The following FAM221B variants were observed in gnomAD, a reference collection of about 807,000 sequenced individuals.
FAM221B encodes the protein protein FAM221B.
In FAM221B, 35 loss-of-function variants were observed where a neutral mutation model predicts 39.8. The observed-to-expected ratio is 0.88, with a 90% confidence interval of 0.67 to 1.17. FAM221B has a LOEUF of 1.17. FAM221B is among the 50% of genes most tolerant of loss of function. FAM221B has a pLI of 0.00. For synonymous variants in FAM221B, 158 were observed against 178.1 expected, an observed-to-expected ratio of 0.89 and a Z score of 0.90; for missense variants, 479 against 503.1, an observed-to-expected ratio of 0.95 and a Z score of 0.46.
Position 35,820,422 on chromosome 9 carries a change from G to T in FAM221B, c.743-422C>A, listed in dbSNP as rs148362403. Among the ~76,000 whole-genome samples the T allele has an allele frequency of 6.6e-5, 10 of 152,340 alleles. No individual in the cohort carries two copies. In the East Asian group the frequency reaches 1.9e-3, roughly 29 times the overall value. On this transcript the variant is annotated intron_variant, in intron 3 of 6. Coordinates refer to ENST00000423537, the MANE Select transcript of FAM221B (RefSeq NM_001012446.4). ...TGTTTTCTTGAAGTGTCTAAGGTGA[G>T]GGAAAGGGAAGATGATTGGCCAGAT...
chr9:35,819,937 G>A lies in FAM221B; in HGVS notation c.806C>T (p.Ser269Phe), dbSNP rs746906560. ...CAACAAGTGTCCACAAAAGCATCTGGACTCATCCCCAATCCGGAAACAGTC... is the reference window on the plus strand; with the variant it reads ...CAACAAGTGTCCACAAAAGCATCTGAACTCATCCCCAATCCGGAAACAGTC... ...LWDCFRIGDESRCFCGHLLRE... is the reference protein window; with the variant it reads ...LWDCFRIGDEFRCFCGHLLRE... Residue 269 changes from serine (S) to phenylalanine (F), a missense_variant, in exon 4 of 7, where the codon TCC (serine) becomes TTC (phenylalanine). By Grantham distance (155) the Ser-to-Phe change is radical. Coordinates refer to ENST00000423537, the MANE Select transcript of FAM221B (RefSeq NM_001012446.4). 1.1e-5 allele frequency: 17 copies of A among 1,609,278 alleles called. 1 individual carries two copies. In the South Asian group the frequency reaches 1.5e-4, roughly 15 times the overall value.
chr9:35,821,579 A>G (rs1161660137), intron 3 of FAM221B: 16 of 1,367,896 alleles, frequency 1.2e-5, no homozygotes, highest in Non-Finnish European at 1.6e-5. Context: ...GGCAGTCACA[A>G]TGCAGGTGGG....
At chr9:35,823,638 A>T (rs1276933083) in intron 3 of FAM221B, among the ~76,000 whole-genome samples, 1 of 152,098 alleles carries the variant, frequency 6.6e-6, no homozygotes, top group Non-Finnish European at 1.5e-5. Context: ...AGTAGACAGG[A>T]GGTTCTGAGT....
chr9:35,818,230 A>G lies in FAM221B; in HGVS notation c.*239T>C, dbSNP rs1000934989. ...CCAACTGCATCTAACATCACTTCCC[A>G]CTCTATCCTTCTTGAAACTTCCTCC... is the stretch of plus-strand genomic sequence containing the variant. On this transcript the variant is annotated 3_prime_UTR_variant, in exon 7 of 7. Transcript: ENST00000423537. The G allele has an allele frequency of 2.1e-5, 12 of 558,840 alleles. No individual in the cohort carries two copies. Among genetic ancestry groups the G allele is most frequent in the Non-Finnish European group, 3.5e-5 (11 of 310,546 alleles). The allele number at this position is 558,840 out of a possible 1,614,324, so 34.6% of individuals were successfully genotyped here.
rs1829324103 is a variant in FAM221B at position 35,825,604 on chromosome 9, A to G, written c.558T>C (p.Ser186=). 6.2e-7 allele frequency: 1 copy of G among 1,613,884 alleles called. No homozygotes were observed. Among genetic ancestry groups the G allele is most frequent in the Non-Finnish European group, 8.5e-7 (1 of 1,179,870 alleles). ...GTTGGGCTGTGTGAGCAGTGCTGTCACTGGCATCTACTCCCTTTTCAACCT... is the reference window on the plus strand; with the variant it reads ...GTTGGGCTGTGTGAGCAGTGCTGTCGCTGGCATCTACTCCCTTTTCAACCT... ...AGEVEKGVDA[S]DSTAHTAQPG... The change falls in exon 2 of 7, where the codon AGT becomes AGC. Residue 186 remains serine, a synonymous_variant. Coordinates refer to ENST00000423537, the MANE Select transcript of FAM221B (RefSeq NM_001012446.4). The surrounding 1 kb of genome is among the most constrained non-coding windows in gnomAD (Gnocchi z 4.2).
rs201802596 is a variant in FAM221B at position 35,825,544 on chromosome 9, T to TTTC, written c.598+17_598+19dup. The TTTC allele has an allele frequency of 4.4e-6, 7 of 1,592,766 alleles. No individual in the cohort carries two copies. The highest frequency in any genetic ancestry group is 1.7e-5 in the Admixed American group (1 of 59,002). On this transcript the variant is annotated intron_variant, in intron 2 of 6. Coordinates refer to ENST00000423537, the MANE Select transcript of FAM221B (RefSeq NM_001012446.4). The surrounding 1 kb of genome is among the most constrained non-coding windows in gnomAD (Gnocchi z 4.2). ...GACAGGTACAATTACAGCTAACTCC[T>TTTC]TTCTTCTTCTTCTTCTTGCCTAGTT... is the stretch of plus-strand genomic sequence containing the variant.
chr9:35,820,194 C>T (rs1829120929), intron 3 of FAM221B, among the ~76,000 whole-genome samples, 194 bp from the exon 4 acceptor site: 1 of 152,130 alleles, frequency 6.6e-6, no homozygotes, highest in South Asian at 2.1e-4. Context: ...TCTCATTACC[C>T]CAGAAGTGTC....
At chr9:35,827,780 G>A (rs1214514825) in intron 1 of FAM221B, among the ~76,000 whole-genome samples, 1 of 152,182 alleles carries the variant, frequency 6.6e-6, no homozygotes, top group African/African-American at 2.4e-5. Flanking sequence ...ATGTTCCAGA[G>A]ACGCTAGATA....
In FAM221B at chr9:35,816,916, C is replaced by G. The variant is rs1246987566; in HGVS notation, c.*1553G>C. Reference sequence around the variant, plus strand: ...CCAGAGGCTGCAGTTCTCTGTGGTGCCTCTGGGACACTGGGAGACCCTAGA... The same window carrying G: ...CCAGAGGCTGCAGTTCTCTGTGGTGGCTCTGGGACACTGGGAGACCCTAGA... On this transcript the variant is annotated 3_prime_UTR_variant, in exon 7 of 7. Transcript: ENST00000423537. 1 of 152,098 alleles carries G rather than the reference C, an allele frequency of 6.6e-6. No homozygotes were observed. Among genetic ancestry groups the G allele is most frequent in the Non-Finnish European group, 1.5e-5 (1 of 68,010 alleles). The allele number at this position is 152,098 out of a possible 1,614,324, so 9.4% of individuals were successfully genotyped here. A position where few individuals can be genotyped will look rare whatever the true frequency, so the allele number is the denominator to read the frequency against.
At position 35,818,178 on chromosome 9, in the gene FAM221B, C is replaced by T. The variant is rs1173040057; in HGVS notation, c.*291G>A. On this transcript the variant is annotated 3_prime_UTR_variant, in exon 7 of 7. Coordinates refer to ENST00000423537, the MANE Select transcript of FAM221B (RefSeq NM_001012446.4). ...TTCTAATTGCAAAACCCAATGGACA[C>T]TTTTCAGTCTTTATCTTATTGGTGC... 1 of 443,738 alleles carries T rather than the reference C, an allele frequency of 2.3e-6. No homozygotes were observed. Among genetic ancestry groups the T allele is most frequent in the Non-Finnish European group, 4.1e-6 (1 of 242,318 alleles). 27.5% of individuals were successfully genotyped at this position (443,738 alleles called of 1,614,324 possible).
Position 35,828,464 on chromosome 9 carries a change from C to G in FAM221B, c.-2G>C. The G allele has an allele frequency of 1.0e-6, 1 of 985,396 alleles. No individual in the cohort carries two copies. The highest frequency in any genetic ancestry group is 1.2e-6 in the Non-Finnish European group (1 of 829,928). 61.0% of individuals were successfully genotyped at this position (985,396 alleles called of 1,614,324 possible). On this transcript the variant is annotated splice_region_variant and 5_prime_UTR_variant, in exon 1 of 7. Transcript: ENST00000423537. This position sits in a 1 kb window ranked among gnomAD's most constrained non-coding sequence, Gnocchi z 4.5. ...AGGGCCGTTGGAGAAACCACCTACC[C>G]TCTGGGCTTTGGCTTGGTTGTTACA... is the stretch of plus-strand genomic sequence containing the variant.
Position 35,828,575 on chromosome 9 carries a change from T to A in FAM221B, c.-113A>T. 2 of 985,476 alleles carry A rather than the reference T, an allele frequency of 2.0e-6. No individual in the cohort carries two copies. The highest frequency in any genetic ancestry group is 2.4e-6 in the Non-Finnish European group (2 of 829,986). The allele number at this position is 985,476 out of a possible 1,614,324, so 61.0% of individuals were successfully genotyped here. On this transcript the variant is annotated 5_prime_UTR_variant, in exon 1 of 7. Transcript: ENST00000423537. This position sits in a 1 kb window ranked among gnomAD's most constrained non-coding sequence, Gnocchi z 4.5. ...AAAGGCTCTTGGTTGTGGATGTGCC[T>A]CAGCTGCAGGTGCTGAGTGTTGAAA...
chr9:35,820,567 G>A (rs948061080), intron 3 of FAM221B, among the ~76,000 whole-genome samples: 1 of 152,266 alleles, frequency 6.6e-6, no homozygotes. Context: ...ACGTCTCCAC[G>A]TTGGTACCTT....
rs529037643 is a variant in FAM221B, at chr9:35,820,131, C to G, written c.743-131G>C. 1.8e-5 allele frequency: 11 copies of G among 615,470 alleles called. No individual in the cohort carries two copies. In the Middle Eastern group the frequency reaches 1.2e-3, roughly 67 times the overall value. The allele number at this position is 615,470 out of a possible 1,614,324, so 38.1% of individuals were successfully genotyped here. On this transcript the variant is annotated intron_variant, in intron 3 of 6. Transcript: ENST00000423537. ...TCCCCACCCCCAGGTATCTTTATCT[C>G]CACCTGGAAGTCCTCACCTCTACCC...
At chr9:35,819,733 C>A (rs1829103031) in intron 4 of FAM221B, among the ~76,000 whole-genome samples, 157 bp downstream of exon 4, 1 of 148,542 alleles carries the variant, frequency 6.7e-6, no homozygotes, top group South Asian at 2.1e-4. Context: ...GTCTCGATCT[C>A]CTGACCTTTG....
chr9:35,820,318 A>C (rs994937613), intron 3 of FAM221B, among the ~76,000 whole-genome samples: 2 of 152,218 alleles, frequency 1.3e-5, no homozygotes, highest in Non-Finnish European at 2.9e-5. Flanking sequence ...TTGAGGATGA[A>C]CATGAATCTC....
intron 3 of FAM221B, among the ~76,000 whole-genome samples, chr9:35,822,721 G>C (rs952346275): frequency 6.6e-6 from 1 of 152,074 alleles, no homozygotes; most frequent in Non-Finnish European, 1.5e-5. Flanking sequence ...AGCATTTCTT[G>C]AACCTGTCCA....
Position 35,825,958 on chromosome 9 carries a change from C to G in FAM221B, c.204G>C (p.Glu68Asp), listed in dbSNP as rs779001909. ...CCTGATGGGTTTCAGGGGAATGGGC[C>G]TCTAAGGGGATCTGGGAAGGGGATG... ...LVPSPSQIPL[E>D]AHSPETHQEP... is the part of the protein sequence containing the mutation. Residue 68 changes from glutamate (E) to aspartate (D), a missense_variant, in exon 2 of 7, where the codon GAG (glutamate) becomes GAC (aspartate). By Grantham distance (45) the Glu-to-Asp change is conservative. Transcript: ENST00000423537. The surrounding 1 kb of genome is among the most constrained non-coding windows in gnomAD (Gnocchi z 4.2). 16 of 1,613,772 alleles carry G rather than the reference C, an allele frequency of 9.9e-6. No homozygotes were observed. The highest frequency in any genetic ancestry group is 2.2e-5 in the East Asian group (1 of 44,878).
rs1829056550 is a variant in FAM221B at position 35,818,172 on chromosome 9, T to A, written c.*297A>T. On this transcript the variant is annotated 3_prime_UTR_variant, in exon 7 of 7. Transcript: ENST00000423537. ...AAGATCTTCTAATTGCAAAACCCAA[T>A]GGACACTTTTCAGTCTTTATCTTAT... The A allele has an allele frequency of 2.4e-6, 1 of 424,144 alleles. No individual in the cohort carries two copies. The highest frequency in any genetic ancestry group is 4.3e-6 in the Non-Finnish European group (1 of 230,728). The allele number at this position is 424,144 out of a possible 1,614,324, so 26.3% of individuals were successfully genotyped here. A position where few individuals can be genotyped will look rare whatever the true frequency, so the allele number is the denominator to read the frequency against.
Sources: gnomAD v4.1 joint callset for allele counts (sites outside exome capture counted in the v4.1 genomes callset) on GRCh38, gnomAD v4.1.1 for gene constraint, Gnocchi (gnomAD v3.1) non-coding constraint, MANE v1.5 for transcripts, NCBI Gene and HGNC (gene_info 2026-07-23, HGNC 2026-07-21) for gene names.